RAD51D: variants seen among roughly 807,000 people sequenced by gnomAD.
The protein encoded by RAD51D is DNA repair protein RAD51 homolog 4.
Under a neutral mutation model 44.1 loss-of-function variants are expected in RAD51D, and 38 were observed. The ratio of observed to expected loss-of-function variants is 0.86; its 90% CI spans 0.67 to 1.13. RAD51D has a LOEUF of 1.13. RAD51D is among the 50% of genes most tolerant of loss of function. The pLI, the probability that RAD51D is intolerant of heterozygous loss-of-function variation, is 0.00. For missense variants in RAD51D, 390 were observed against 414.0 expected (o/e 0.94, Z 0.50); for synonymous variants, 141 against 166.6 (o/e 0.85, Z 1.18).
rs2091568156 is a variant in RAD51D, at chr17:35,103,762, G to A, written c.577-218C>T. Among the ~76,000 whole-genome samples the A allele has an allele frequency of 6.6e-6, 1 of 152,232 alleles. No individual in the cohort carries two copies. The highest frequency in any genetic ancestry group is 2.1e-4 in the South Asian group (1 of 4,834). On this transcript the variant is annotated intron_variant, in intron 6 of 9. Coordinates refer to ENST00000345365, the MANE Select transcript of RAD51D (RefSeq NM_002878.4). This position sits in a 1 kb window ranked among gnomAD's most constrained non-coding sequence, Gnocchi z 4.1. The stretch of plus-strand genomic sequence containing the variant: ...ATGAAGACTTGGGTAGAAAGAAAGG[G>A]TTTAAATCACAGGACATCAAAACTA...
chr17:35,117,415 G>A (rs1034473867), intron 3 of RAD51D, among the ~76,000 whole-genome samples: 5 of 152,178 alleles, frequency 3.3e-5, no homozygotes, highest in African/African-American at 9.7e-5. Flanking sequence ...CAGGAAAAAG[G>A]TCAAGACTCA....
chr17:35,094,536 G>A lies in RAD51D; in HGVS notation c.*6417C>T, dbSNP rs1439247848. The A allele has an allele frequency of 2.6e-5, 4 of 152,230 alleles. No homozygotes were observed. Among genetic ancestry groups the A allele is most frequent in the Non-Finnish European group, 4.4e-5 (3 of 68,038 alleles). The allele number at this position is 152,230 out of a possible 1,614,324, so 9.4% of individuals were successfully genotyped here. A position where few individuals can be genotyped will look rare whatever the true frequency, so the allele number is the denominator to read the frequency against. The stretch of plus-strand genomic sequence containing the variant: ...GGGGGAAATCAGAAAGAGCTGAGAA[G>A]TAGATCTCTGATCCCGCTTTTTATG... On this transcript the variant is annotated 3_prime_UTR_variant, in exon 10 of 10. Coordinates refer to ENST00000345365, the MANE Select transcript of RAD51D (RefSeq NM_002878.4).
At chr17:35,106,764 G>C (rs185850810) in intron 5 of RAD51D, among the ~76,000 whole-genome samples, 1 of 152,250 alleles carries the variant, frequency 6.6e-6, no homozygotes, top group African/African-American at 2.4e-5. Context: ...CCTGGTTTAG[G>C]GCATGCAAAG....
At position 35,099,892 on chromosome 17, in the gene RAD51D, CAGAG is replaced by C; in HGVS notation, c.*1057_*1060del. The C allele has an allele frequency of 3.9e-6, 2 of 518,318 alleles. No homozygotes were observed. Among genetic ancestry groups the C allele is most frequent in the Non-Finnish European group, 7.5e-6 (2 of 266,210 alleles). 32.1% of individuals were successfully genotyped at this position (518,318 alleles called of 1,614,324 possible). A position where few individuals can be genotyped will look rare whatever the true frequency, so the allele number is the denominator to read the frequency against. On this transcript the variant is annotated 3_prime_UTR_variant, in exon 10 of 10. Transcript: ENST00000345365. ...GGATGGCCACAGTGCTGGTGAAAGA[CAGAG>C]GGATTATTTCATACACTAGGGCACT... is the stretch of plus-strand genomic sequence containing the variant.
At chr17:35,115,438 C>T in intron 3 of RAD51D, 1 of 394,622 alleles carries the variant, frequency 2.5e-6, no homozygotes, top group Non-Finnish European at 5.2e-6. Flanking sequence ...CACCTCAGCA[C>T]TAAAGGTTCT....
intron 3 of RAD51D, chr17:35,115,346 A>G (rs750083256): frequency 4.0e-6 from 2 of 503,688 alleles, no homozygotes; most frequent in Non-Finnish European, 4.0e-6. Context: ...GCTCTGGCCT[A>G]TAAGGAATAA....
rs1416867865 is a variant in RAD51D at position 35,096,005 on chromosome 17, C to T, written c.*4948G>A. On this transcript the variant is annotated 3_prime_UTR_variant, in exon 10 of 10. Transcript: ENST00000345365. ...AATAAGGCAAAGGCAGAGCTGTAAC[C>T]AATTAGTTGTCTTTGTATCTCATTT... 6.6e-6 allele frequency: 1 copy of T among 152,140 alleles called. No individual in the cohort carries two copies. The allele number at this position is 152,140 out of a possible 1,614,324, so 9.4% of individuals were successfully genotyped here. A position where few individuals can be genotyped will look rare whatever the true frequency, so the allele number is the denominator to read the frequency against.
intron 9 of RAD51D, 44 bp from the exon 10 acceptor site, chr17:35,101,080 T>C (rs922959387): frequency 6.2e-7 from 1 of 1,604,400 alleles, no homozygotes; most frequent in Non-Finnish European, 8.5e-7. Context: ...GCAACCCAAG[T>C]GGGTAGCTTC....
At chr17:35,113,049 C>T (rs2091696202) in intron 3 of RAD51D, among the ~76,000 whole-genome samples, 1 of 152,170 alleles carries the variant, frequency 6.6e-6, no homozygotes, top group Non-Finnish European at 1.5e-5. Flanking sequence ...CAGGTTCTCT[C>T]CCTCAACCAC....
intron 3 of RAD51D, among the ~76,000 whole-genome samples, chr17:35,116,648 C>T (rs2091751885): frequency 6.6e-6 from 1 of 152,056 alleles, no homozygotes; most frequent in African/African-American, 2.4e-5. Context: ...GCGCCCGCCA[C>T]CACGCCCAGC....
intron 1 of RAD51D, 89 bp downstream of exon 1, chr17:35,119,443 A>C: frequency 2.1e-6 from 3 of 1,405,182 alleles, no homozygotes; most frequent in Non-Finnish European, 3.0e-6. Flanking sequence ...AGCGCCCTGC[A>C]GGTATGCCAG....
In RAD51D at chr17:35,106,974, C is replaced by G. The variant is rs374605203; in HGVS notation, c.480+14G>C. 3 of 1,614,214 alleles carry G rather than the reference C, an allele frequency of 1.9e-6. No individual in the cohort carries two copies. The highest frequency in any genetic ancestry group is 2.5e-6 in the Non-Finnish European group (3 of 1,180,040). ...GTGTCAGAATCTCAATGGAACCCAGCATCCTGCCCTTACCTGTTCCTCCTC... is the reference window on the plus strand; with the variant it reads ...GTGTCAGAATCTCAATGGAACCCAGGATCCTGCCCTTACCTGTTCCTCCTC... On this transcript the variant is annotated intron_variant, in intron 5 of 9. Transcript: ENST00000345365.
At chr17:35,116,276 C>T (rs1358992328) in intron 3 of RAD51D, among the ~76,000 whole-genome samples, 2 of 152,208 alleles carry the variant, frequency 1.3e-5, no homozygotes, top group African/African-American at 2.4e-5. Context: ...CACACCTCTA[C>T]CCCACTGTCT....
At chr17:35,118,695 T>C (rs2091780557) in intron 2 of RAD51D, 76 bp from the exon 3 acceptor site, 2 of 1,086,698 alleles carry the variant, frequency 1.8e-6, no homozygotes, top group Non-Finnish European at 2.8e-6. Flanking sequence ...TTCACCCTAC[T>C]TCTCAATATC....
At position 35,099,300 on chromosome 17, in the gene RAD51D, C is replaced by T. The variant is rs1389662292; in HGVS notation, c.*1653G>A. The T allele has an allele frequency of 6.0e-6, 1 of 166,998 alleles. No individual in the cohort carries two copies. The highest frequency in any genetic ancestry group is 1.3e-5 in the Non-Finnish European group (1 of 75,552). The allele number at this position is 166,998 out of a possible 1,614,324, so 10.3% of individuals were successfully genotyped here. On this transcript the variant is annotated 3_prime_UTR_variant, in exon 10 of 10. Transcript: ENST00000345365. Reference sequence around the variant, plus strand: ...TGACTGGTAGTGGCCCCCTGGAGTGCTATATTGAGAAAAACTTCTAAAAAC... The same window carrying T: ...TGACTGGTAGTGGCCCCCTGGAGTGTTATATTGAGAAAAACTTCTAAAAAC...
Position 35,099,604 on chromosome 17 carries a change from C to T in RAD51D, c.*1349G>A, listed in dbSNP as rs576931055. 13 of 351,950 alleles carry T rather than the reference C, an allele frequency of 3.7e-5. No homozygotes were observed. Among genetic ancestry groups the T allele is most frequent in the Admixed American group, 3.1e-4 (8 of 25,740 alleles). The allele number at this position is 351,950 out of a possible 1,614,324, so 21.8% of individuals were successfully genotyped here. A position where few individuals can be genotyped will look rare whatever the true frequency, so the allele number is the denominator to read the frequency against. ...CCAACACCCTGGTGCCAGTTTGCCACTCCTTCCCAATCCTCCATGATTCTA... is the reference window on the plus strand; with the variant it reads ...CCAACACCCTGGTGCCAGTTTGCCATTCCTTCCCAATCCTCCATGATTCTA... On this transcript the variant is annotated 3_prime_UTR_variant, in exon 10 of 10. Coordinates refer to ENST00000345365, the MANE Select transcript of RAD51D (RefSeq NM_002878.4).
chr17:35,101,824 T>C (rs190026215), intron 8 of RAD51D, among the ~76,000 whole-genome samples: 4 of 152,304 alleles, frequency 2.6e-5, no homozygotes, highest in Non-Finnish European at 5.9e-5. Flanking sequence ...TATGATTCCA[T>C]GTATATGAGG....
Position 35,104,573 on chromosome 17 carries a change from C to T in RAD51D, c.577-1029G>A, listed in dbSNP as rs2091576890. ...CTAATTTTTGTATTTTTAGCAGAGA[C>T]GGGGTTTTACCGTGTTGGCCAGGCT... On this transcript the variant is annotated intron_variant, in intron 6 of 9. Coordinates refer to ENST00000345365, the MANE Select transcript of RAD51D (RefSeq NM_002878.4). Among the ~76,000 whole-genome samples the T allele has an allele frequency of 2.6e-5, 4 of 152,122 alleles. No individual in the cohort carries two copies. In the South Asian group the frequency reaches 6.2e-4, roughly 24 times the overall value.
rs534366569 is a variant in RAD51D at position 35,119,462 on chromosome 17, G to A, written c.82+70C>T. On this transcript the variant is annotated intron_variant, in intron 1 of 9. Coordinates refer to ENST00000345365, the MANE Select transcript of RAD51D (RefSeq NM_002878.4). ...CCCTGCAGGTATGCCAGGGCAGTGCGCCAGCCCTCGGGGCCTGCCCAGGTT... is the reference window on the plus strand; with the variant it reads ...CCCTGCAGGTATGCCAGGGCAGTGCACCAGCCCTCGGGGCCTGCCCAGGTT... 1.8e-5 allele frequency: 27 copies of A among 1,531,140 alleles called. No homozygotes were observed. The African/African-American group carries it at 3.5e-4, about 20-fold the overall frequency. 94.8% of individuals were successfully genotyped at this position (1,531,140 alleles called of 1,614,324 possible).
Sources: gnomAD v4.1 joint callset for allele counts (sites outside exome capture counted in the v4.1 genomes callset) on GRCh38, gnomAD v4.1.1 for gene constraint, Gnocchi (gnomAD v3.1) non-coding constraint, MANE v1.5 for transcripts, NCBI Gene and HGNC (gene_info 2026-07-23, HGNC 2026-07-21) for gene names.